DOCK10: variants seen among roughly 807,000 people sequenced by gnomAD.
DOCK10 encodes the protein dedicator of cytokinesis protein 10.
In DOCK10, 145 loss-of-function variants were observed where a neutral mutation model predicts 280.1. The ratio of observed to expected loss-of-function variants is 0.52; its 90% CI spans 0.45 to 0.59. The LOEUF (loss-of-function observed/expected upper bound fraction) is 0.59. DOCK10 is among the 20% of genes least tolerant of loss of function. DOCK10 has a pLI of 0.00. For missense variants in DOCK10, 2,368 were observed against 2,651.7 expected (o/e 0.89, Z 2.35); for synonymous variants, 915 against 942.2 (o/e 0.97, Z 0.53).
intron 1 of DOCK10, among the ~76,000 whole-genome samples, chr2:224,966,779 G>T (rs1353637034): frequency 6.6e-6 from 1 of 152,046 alleles, no homozygotes; most frequent in Non-Finnish European, 1.5e-5. Context: ...AACACTTGCT[G>T]GCTTTATGGC....
chr2:224,787,887 T>A lies in DOCK10; in HGVS notation c.5419-490A>T, dbSNP rs1691844965. ...CCCTCTCAGTGACCCCTTCTTTCAA[T>A]GCTCTGTCACTGACTTTGCACCTTG... On this transcript the variant is annotated intron_variant, in intron 48 of 55. Transcript: ENST00000258390. Among the ~76,000 whole-genome samples, 2 of 152,176 alleles carry A rather than the reference T, an allele frequency of 1.3e-5. 1 individual carries two copies. The highest frequency in any genetic ancestry group is 1.3e-4 in the Admixed American group (2 of 15,280).
chr2:224,783,402 G>C (rs1043545839), intron 50 of DOCK10, among the ~76,000 whole-genome samples: 1 of 151,768 alleles, frequency 6.6e-6, no homozygotes, highest in Non-Finnish European at 1.5e-5. Context: ...AGCCTCCCGA[G>C]TAGCTGGGAT....
At position 224,765,602 on chromosome 2, in the gene DOCK10, T is replaced by A; in HGVS notation, c.*119A>T. 1.5e-6 allele frequency: 1 copy of A among 678,262 alleles called. No individual in the cohort carries two copies. The highest frequency in any genetic ancestry group is 2.6e-5 in the South Asian group (1 of 37,964). The allele number at this position is 678,262 out of a possible 1,614,324, so 42.0% of individuals were successfully genotyped here. On this transcript the variant is annotated 3_prime_UTR_variant, in exon 56 of 56. Transcript: ENST00000258390. Reference sequence around the variant, plus strand: ...TGGCAAAATTCTGAAGCTAGCGAGGTAAACAAAAATATTAACACCATGAAA... The same window carrying A: ...TGGCAAAATTCTGAAGCTAGCGAGGAAAACAAAAATATTAACACCATGAAA...
intron 45 of DOCK10, 119 bp downstream of exon 45, chr2:224,794,760 A>C: frequency 2.2e-6 from 2 of 916,296 alleles, no homozygotes; most frequent in Non-Finnish European, 3.4e-6. Context: ...TAACTGAGTC[A>C]TTTCTAGATT....
chr2:224,784,425 A>C, intron 50 of DOCK10, among the ~76,000 whole-genome samples: 1 of 152,228 alleles, frequency 6.6e-6, no homozygotes, highest in East Asian at 1.9e-4. Flanking sequence ...CATATATTTA[A>C]GATACGTGGT....
At chr2:224,966,874 T>C (rs1183539850) in intron 1 of DOCK10, among the ~76,000 whole-genome samples, 1 of 151,488 alleles carries the variant, frequency 6.6e-6, no homozygotes, top group African/African-American at 2.4e-5. Flanking sequence ...AAATAGCTCA[T>C]CTAGAAGCAG....
At chr2:224,867,222 T>A (rs1403594446) in intron 11 of DOCK10, among the ~76,000 whole-genome samples, 1 of 152,220 alleles carries the variant, frequency 6.6e-6, no homozygotes, top group African/African-American at 2.4e-5. Flanking sequence ...TTTCCATTTT[T>A]AATATTGGTA....
intron 1 of DOCK10, among the ~76,000 whole-genome samples, chr2:224,992,488 G>A (rs1256010015): frequency 6.6e-6 from 1 of 152,234 alleles, no homozygotes; most frequent in Non-Finnish European, 1.5e-5. Context: ...CAGCTCCAGG[G>A]TTTTGAAAGG....
chr2:225,015,302 C>A (rs1024596992), intron 1 of DOCK10, among the ~76,000 whole-genome samples: 3 of 152,150 alleles, frequency 2.0e-5, no homozygotes, highest in African/African-American at 4.8e-5. Context: ...AGCAACTTTG[C>A]AGTTTAGGTG....
intron 4 of DOCK10, among the ~76,000 whole-genome samples, chr2:224,891,204 T>G (rs1465166113): frequency 6.6e-6 from 1 of 152,196 alleles, no homozygotes; most frequent in East Asian, 1.9e-4. Context: ...ACCAATCTTT[T>G]AACTTTTTCC....
At chr2:224,884,955 T>C (rs6712360) in intron 7 of DOCK10, among the ~76,000 whole-genome samples, 36,464 of 152,140 alleles carry the variant, frequency 0.24, 6,074 homozygotes, top group African/African-American at 0.48. Context: ...GACTTGCCCC[T>C]GCCGCAGGGC....
In DOCK10 at chr2:224,770,097, G is replaced by A. The variant is rs1690328196; in HGVS notation, c.6444+114C>T. 1.6e-6 allele frequency: 2 copies of A among 1,220,996 alleles called. No individual in the cohort carries two copies. The highest frequency in any genetic ancestry group is 2.6e-5 in the East Asian group (1 of 37,918). 75.6% of individuals were successfully genotyped at this position (1,220,996 alleles called of 1,614,324 possible). The stretch of plus-strand genomic sequence containing the variant: ...AGAGAGAACAGATCAGCAACATGGT[G>A]CTGATGCAGTGATTTCTGCAGCAAG... On this transcript the variant is annotated intron_variant, in intron 55 of 55. Coordinates refer to ENST00000258390, the MANE Select transcript of DOCK10 (RefSeq NM_014689.3). The surrounding 1 kb of genome is among the most constrained non-coding windows in gnomAD (Gnocchi z 4.5).
intron 1 of DOCK10, among the ~76,000 whole-genome samples, chr2:224,991,572 TAACTCAAACAGAAGAGAGA>T (rs1480716176): frequency 6.6e-5 from 10 of 151,998 alleles, no homozygotes; most frequent in Non-Finnish European, 1.5e-4. Context: ...GCGGAAACAG[TAACTCAAACAGAAGAGAGA>T]GCCTTGGCAC....
chr2:224,942,962 G>A (rs1703178830), intron 1 of DOCK10, among the ~76,000 whole-genome samples: 1 of 152,078 alleles, frequency 6.6e-6, no homozygotes, highest in Non-Finnish European at 1.5e-5. Flanking sequence ...ACTTAAGTCT[G>A]TTTTTAATCT....
rs908138367 is a variant in DOCK10, at chr2:224,836,532, C to T, written c.2850+1230G>A. On this transcript the variant is annotated intron_variant, in intron 25 of 55. Transcript: ENST00000258390. ...AACTGTAATGAAAAAAATTTCCTTACAGATGGTATCTCAGAGGGGTTCACT... is the reference window on the plus strand; with the variant it reads ...AACTGTAATGAAAAAAATTTCCTTATAGATGGTATCTCAGAGGGGTTCACT... Among the ~76,000 whole-genome samples the T allele has an allele frequency of 3.3e-5, 5 of 151,936 alleles. No homozygotes were observed. The East Asian group carries it at 9.6e-4, about 29-fold the overall frequency.
At chr2:224,965,402 C>T (rs1329603917) in intron 1 of DOCK10, among the ~76,000 whole-genome samples, 7 of 152,204 alleles carry the variant, frequency 4.6e-5, no homozygotes, top group East Asian at 1.9e-4. Context: ...CTACACAAGA[C>T]GGTCTGCAGT....
At chr2:224,864,748 T>A (rs926480317) in intron 12 of DOCK10, 73 bp from the exon 13 acceptor site, 22 of 1,575,676 alleles carry the variant, frequency 1.4e-5, no homozygotes, top group East Asian at 2.2e-5. Flanking sequence ...TCCATTTTTT[T>A]AAAAAAGGAC....
chr2:224,966,895 GAA>G (rs60840288), intron 1 of DOCK10, among the ~76,000 whole-genome samples: 2 of 142,844 alleles, frequency 1.4e-5, no homozygotes. Flanking sequence ...GTACTCAGAT[GAA>G]AAAAAAAAAA....
chr2:224,793,534 A>T, intron 45 of DOCK10, 77 bp from the exon 46 acceptor site: 1 of 1,124,120 alleles, frequency 8.9e-7, no homozygotes, highest in Non-Finnish European at 1.3e-6. Context: ...AAGGCGAGTC[A>T]GTATTCCATA....
Sources: allele counts gnomAD v4.1 joint callset (sites outside exome capture counted in the v4.1 genomes callset), GRCh38; gene constraint gnomAD v4.1.1; non-coding constraint Gnocchi (gnomAD v3.1); transcripts MANE v1.5; gene names NCBI Gene and HGNC (gene_info 2026-07-23, HGNC 2026-07-21).